The following ZKSCAN5 variants were observed in gnomAD, a reference collection of about 807,000 sequenced individuals.
ZKSCAN5 encodes the protein zinc finger protein with KRAB and SCAN domains 5.
A neutral mutation model predicts 60.0 loss-of-function variants in ZKSCAN5; 28 were observed. The observed-to-expected ratio is 0.47, with a 90% CI of 0.35 to 0.64. The LOEUF is 0.64. ZKSCAN5 is among the 30% of genes least tolerant of loss of function. The probability of loss-of-function intolerance (pLI) is 0.01; values close to 1 mark genes in which losing one functional copy is unlikely to be tolerated. For synonymous variants in ZKSCAN5, 361 were observed against 371.2 expected (o/e 0.97, Z 0.31); for missense variants, 881 against 1,034.6 (o/e 0.85, Z 2.04).
intron 3 of ZKSCAN5, among the ~76,000 whole-genome samples, chr7:99,516,252 T>A (rs569393934): frequency 4.3e-4 from 65 of 152,322 alleles, no homozygotes; most frequent in African/African-American, 1.5e-3. Context: ...CTGGCTCTTG[T>A]CCTCTGTTTC....
chr7:99,530,049 T>TC (rs1801974807), intron 6 of ZKSCAN5, among the ~76,000 whole-genome samples: 2 of 148,606 alleles, frequency 1.3e-5, no homozygotes, highest in South Asian at 4.3e-4. Context: ...TTTTTTTTTT[T>TC]TTTTGAGATG....
chr7:99,509,675 C>T (rs1295028512), intron 2 of ZKSCAN5, among the ~76,000 whole-genome samples: 1 of 151,102 alleles, frequency 6.6e-6, no homozygotes, highest in African/African-American at 2.4e-5. Context: ...ACCGTGTTAG[C>T]CAGGATGGTC....
intron 5 of ZKSCAN5, among the ~76,000 whole-genome samples, chr7:99,522,089 A>G (rs983677315): frequency 1.3e-5 from 2 of 152,104 alleles, no homozygotes; most frequent in African/African-American, 4.8e-5. Context: ...TAACATCTGT[A>G]TTTATCACTT....
intron 5 of ZKSCAN5, among the ~76,000 whole-genome samples, chr7:99,520,944 G>A (rs559307647): frequency 3.3e-5 from 5 of 152,068 alleles, no homozygotes; most frequent in African/African-American, 7.2e-5. Flanking sequence ...TATTATGTTC[G>A]CCTTGGCACC....
Position 99,520,309 on chromosome 7 carries a change from G to C in ZKSCAN5, c.772+5G>C. 6.2e-7 allele frequency: 1 copy of C among 1,609,048 alleles called. No homozygotes were observed. The highest frequency in any genetic ancestry group is 8.5e-7 in the Non-Finnish European group (1 of 1,178,636). On this transcript the variant is annotated splice_donor_5th_base_variant and intron_variant, in intron 5 of 6. Coordinates refer to ENST00000326775, the MANE Select transcript of ZKSCAN5 (RefSeq NM_145102.4). Reference sequence around the variant, plus strand: ...ATGGGAGTATTACTTCCATGGGTAAGGATTATTTCATCTGCATGGATTAGG... The same window carrying C: ...ATGGGAGTATTACTTCCATGGGTAACGATTATTTCATCTGCATGGATTAGG...
intron 3 of ZKSCAN5, chr7:99,513,820 G>T: frequency 4.1e-6 from 1 of 241,916 alleles, no homozygotes; most frequent in Non-Finnish European, 8.9e-6. Context: ...CTGAGGTCAG[G>T]AGTTCAAGAC....
In ZKSCAN5 at chr7:99,525,895, C is replaced by T. The variant is rs1562913566; in HGVS notation, c.855C>T (p.His285=). ...AATCACACTGGGTGGCGCCAGAACACACCGAAAGGAGCGTTCCTCAGGATC... is the reference window on the plus strand; with the variant it reads ...AATCACACTGGGTGGCGCCAGAACATACCGAAAGGAGCGTTCCTCAGGATC... ...DSESHWVAPE[H]TERSVPQDPD... Residue 285 remains histidine (H), a synonymous_variant, in exon 6 of 7, where the codon CAC becomes CAT. Coordinates refer to ENST00000326775, the MANE Select transcript of ZKSCAN5 (RefSeq NM_145102.4). 6.2e-7 allele frequency: 1 copy of T among 1,614,052 alleles called. No individual in the cohort carries two copies. The highest frequency in any genetic ancestry group is 8.5e-7 in the Non-Finnish European group (1 of 1,180,028).
intron 3 of ZKSCAN5, chr7:99,513,680 A>G (rs1319743556): frequency 4.5e-6 from 1 of 220,030 alleles, no homozygotes; most frequent in African/African-American, 2.4e-5. Context: ...GGTGTGAGCC[A>G]CTGCGCTCAG....
chr7:99,521,339 A>G (rs532436231), intron 5 of ZKSCAN5, among the ~76,000 whole-genome samples: 4 of 152,270 alleles, frequency 2.6e-5, no homozygotes, highest in African/African-American at 9.6e-5. Context: ...CTGGGGTTAC[A>G]GGCATGTGCC....
chr7:99,522,738 C>T (rs1584192522), intron 5 of ZKSCAN5, among the ~76,000 whole-genome samples: 1 of 151,836 alleles, frequency 6.6e-6, no homozygotes, highest in Non-Finnish European at 1.5e-5. Flanking sequence ...CCAACCACCT[C>T]GACCTTCCAA....
rs765385707 is a variant in ZKSCAN5, at chr7:99,520,298, T to C, written c.766T>C (p.Ser256Pro). ...GAAGGAGAACTATGGGAGTATTACT[T>C]CCATGGGTAAGGATTATTTCATCTG... ...DRKENYGSIT[S>P]MGYESRDNME... Residue 256 changes from serine (S) to proline (P), a missense_variant, in exon 5 of 7, where the codon TCC (serine) becomes CCC (proline). This residue lies in a region of ZKSCAN5 where 490 missense variants were observed against 554.5 expected (regional missense o/e 0.88). Coordinates refer to ENST00000326775, the MANE Select transcript of ZKSCAN5 (RefSeq NM_145102.4). 5 of 1,612,244 alleles carry C rather than the reference T, an allele frequency of 3.1e-6. No individual in the cohort carries two copies.
intron 5 of ZKSCAN5, 111 bp downstream of exon 5, chr7:99,520,415 G>T: frequency 4.6e-5 from 60 of 1,304,658 alleles, no homozygotes; most frequent in South Asian, 3.5e-4. Flanking sequence ...CTATGACTTT[G>T]CTTTTTTTTA....
At chr7:99,520,388 C>T in intron 5 of ZKSCAN5, 84 bp downstream of exon 5, 1 of 1,446,642 alleles carries the variant, frequency 6.9e-7, no homozygotes, top group South Asian at 1.5e-5. Context: ...CTTATAATGG[C>T]ATTTATGTTT....
intron 5 of ZKSCAN5, among the ~76,000 whole-genome samples, chr7:99,521,677 C>T (rs962425923): frequency 4.0e-5 from 6 of 151,230 alleles, no homozygotes; most frequent in African/African-American, 9.7e-5. Context: ...TTTGTGCATG[C>T]CTCTGTTCAT....
chr7:99,521,974 G>C (rs766442691), intron 5 of ZKSCAN5, among the ~76,000 whole-genome samples: 3 of 152,026 alleles, frequency 2.0e-5, no homozygotes, highest in African/African-American at 4.8e-5. Context: ...GTACCTAATG[G>C]ATTTCAGAGT....
rs1270866045 is a variant in ZKSCAN5, at chr7:99,534,236, C to G, written c.*1987C>G. 6.6e-6 allele frequency: 1 copy of G among 152,184 alleles called. No homozygotes were observed. The highest frequency in any genetic ancestry group is 1.5e-5 in the Non-Finnish European group (1 of 68,094). The allele number at this position is 152,184 out of a possible 1,614,324, so 9.4% of individuals were successfully genotyped here. On this transcript the variant is annotated 3_prime_UTR_variant, in exon 7 of 7. Transcript: ENST00000326775. ...TTTTTAATTTTTTTATAGACAGGGT[C>G]TTGCTCTGCTGCCCAGGCTAGAGTG... is the stretch of plus-strand genomic sequence containing the variant.
intron 6 of ZKSCAN5, among the ~76,000 whole-genome samples, chr7:99,527,693 T>C (rs1482696139): frequency 6.6e-6 from 1 of 152,184 alleles, no homozygotes; most frequent in African/African-American, 2.4e-5. Context: ...TCTTTTCTTT[T>C]CTTTTTTTGA....
At chr7:99,522,949 G>C (rs996338656) in intron 5 of ZKSCAN5, among the ~76,000 whole-genome samples, 3 of 150,982 alleles carry the variant, frequency 2.0e-5, no homozygotes, top group Admixed American at 6.6e-5. Flanking sequence ...CAGATCACTT[G>C]AGGCCAGGAG....
chr7:99,523,537 T>C (rs1180287038), intron 5 of ZKSCAN5, among the ~76,000 whole-genome samples: 1 of 152,002 alleles, frequency 6.6e-6, no homozygotes, highest in Non-Finnish European at 1.5e-5. Context: ...ACCAGGGAGT[T>C]AGAAGTAACA....
Sources: gnomAD v4.1 joint callset for allele counts (sites outside exome capture counted in the v4.1 genomes callset) on GRCh38, gnomAD v4.1.1 for gene constraint, gnomAD v4.1.1 regional missense constraint, MANE v1.5 for transcripts, NCBI Gene and HGNC (gene_info 2026-07-23, HGNC 2026-07-21) for gene names.